SLC25A20: variants seen among roughly 807,000 people sequenced by gnomAD.
SLC25A20 encodes the protein mitochondrial carnitine/acylcarnitine carrier protein.
In SLC25A20, 29 loss-of-function variants were observed where a neutral mutation model predicts 39.7. That is an observed-to-expected ratio of 0.73 (90% CI 0.54 to 1.00). The LOEUF (loss-of-function observed/expected upper bound fraction) is 1.00, where lower values mean the gene tolerates loss of function less well. Among genes scored for constraint, SLC25A20 ranks in the 50% least tolerant of loss-of-function variants. The probability of loss-of-function intolerance (pLI) is 0.00; values close to 1 mark genes in which losing one functional copy is unlikely to be tolerated. For missense variants in SLC25A20, 333 were observed against 379.9 expected, an observed-to-expected ratio of 0.88 and a Z score of 1.03; for synonymous variants, 103 against 142.2, an observed-to-expected ratio of 0.72 and a Z score of 1.96.
At position 48,883,905 on chromosome 3, in the gene SLC25A20, T is replaced by C; in HGVS notation, c.326+92A>G. The C allele has an allele frequency of 2.7e-6, 4 of 1,488,166 alleles. No individual in the cohort carries two copies. In the South Asian group the frequency reaches 4.7e-5, roughly 17 times the overall value. 92.2% of individuals were successfully genotyped at this position (1,488,166 alleles called of 1,614,324 possible). ...TCCCAAAGTGCTAGGATTACAGGTA[T>C]GAGCCACCGCGCCCTGCCCAAGTTT... On this transcript the variant is annotated intron_variant, in intron 3 of 8. Coordinates refer to ENST00000319017, the MANE Select transcript of SLC25A20 (RefSeq NM_000387.6).
At chr3:48,872,482 C>A (rs1352100347) in intron 4 of SLC25A20, among the ~76,000 whole-genome samples, 1 of 151,248 alleles carries the variant, frequency 6.6e-6, no homozygotes, top group African/African-American at 2.4e-5. Flanking sequence ...TGAAGACAGT[C>A]TTTTCAATAA....
chr3:48,859,860 T>TA (rs2083610814), intron 5 of SLC25A20, among the ~76,000 whole-genome samples: 1 of 151,986 alleles, frequency 6.6e-6, no homozygotes, highest in Non-Finnish European at 1.5e-5. Context: ...TTATGTAGAC[T>TA]AAAAAAGCAT....
intron 1 of SLC25A20, among the ~76,000 whole-genome samples, chr3:48,893,084 C>T (rs945706757): frequency 6.6e-6 from 1 of 151,330 alleles, no homozygotes; most frequent in African/African-American, 2.4e-5. Flanking sequence ...TGGAGTGCGG[C>T]GGTGTGGTCA....
intron 2 of SLC25A20, among the ~76,000 whole-genome samples, chr3:48,887,637 C>T (rs2083839239): frequency 6.6e-6 from 1 of 152,216 alleles, no homozygotes; most frequent in African/African-American, 2.4e-5. Flanking sequence ...GGTGCCATGG[C>T]TCACGCCTGT....
intron 6 of SLC25A20, among the ~76,000 whole-genome samples, 164 bp from the exon 7 acceptor site, chr3:48,859,365 A>G (rs1358764352): frequency 6.6e-6 from 1 of 152,200 alleles, no homozygotes; most frequent in African/African-American, 2.4e-5. Flanking sequence ...GGTTTCATGC[A>G]CCTGTTTCAA....
At chr3:48,868,565 A>G (rs1035639525) in intron 4 of SLC25A20, among the ~76,000 whole-genome samples, 2 of 152,212 alleles carry the variant, frequency 1.3e-5, no homozygotes, top group Non-Finnish European at 2.9e-5. Context: ...GAGGAATGAG[A>G]TAGTGGTGAG....
At chr3:48,886,798 T>C (rs1232576626) in intron 2 of SLC25A20, among the ~76,000 whole-genome samples, 1 of 152,016 alleles carries the variant, frequency 6.6e-6, no homozygotes, top group South Asian at 2.1e-4. Context: ...CTGGGTAAAA[T>C]AGCAAGACCC....
Position 48,862,534 on chromosome 3 carries a change from A to C in SLC25A20, c.535+8T>G. On this transcript the variant is annotated splice_region_variant and intron_variant, in intron 5 of 8. Coordinates refer to ENST00000319017, the MANE Select transcript of SLC25A20 (RefSeq NM_000387.6). ...CAGGTGACCTCAAGTGGAGGCCTGAAAGGTTACCTCGCATAAGGGTAAGCA... is the reference window on the plus strand; with the variant it reads ...CAGGTGACCTCAAGTGGAGGCCTGACAGGTTACCTCGCATAAGGGTAAGCA... 1 of 1,594,854 alleles carries C rather than the reference A, an allele frequency of 6.3e-7. No individual in the cohort carries two copies. Among genetic ancestry groups the C allele is most frequent in the Non-Finnish European group, 8.6e-7 (1 of 1,162,558 alleles).
intron 5 of SLC25A20, among the ~76,000 whole-genome samples, chr3:48,860,682 G>A (rs1354001917): frequency 2.0e-5 from 3 of 151,724 alleles, no homozygotes; most frequent in Admixed American, 1.3e-4. Context: ...CAGCTATTCA[G>A]GAGGCTGAGG....
intron 1 of SLC25A20, among the ~76,000 whole-genome samples, chr3:48,895,578 G>A (rs1168004883): frequency 6.6e-6 from 1 of 151,988 alleles, no homozygotes. Context: ...TATTTGTCAG[G>A]TCCTTCTATA....
At position 48,884,129 on chromosome 3, in the gene SLC25A20, A is replaced by C; in HGVS notation, c.199-5T>G. ...CCGATATAGCCCCGTGATGCCCTGCAAGGAATCACAGAAGCAGAAGCTGTT... is the reference window on the plus strand; with the variant it reads ...CCGATATAGCCCCGTGATGCCCTGCCAGGAATCACAGAAGCAGAAGCTGTT... On this transcript the variant is annotated splice_region_variant and splice_polypyrimidine_tract_variant and intron_variant, in intron 2 of 8. Transcript: ENST00000319017. 6.2e-7 allele frequency: 1 copy of C among 1,613,318 alleles called. No individual in the cohort carries two copies. Among genetic ancestry groups the C allele is most frequent in the Non-Finnish European group, 8.5e-7 (1 of 1,179,432 alleles).
chr3:48,895,960 A>G, intron 1 of SLC25A20: 1 of 308,146 alleles, frequency 3.2e-6, no homozygotes. Flanking sequence ...CCCAACATGG[A>G]GAAACCCCAT....
At chr3:48,898,454 C>CT (rs1263962533) in intron 1 of SLC25A20, among the ~76,000 whole-genome samples, 1 of 152,250 alleles carries the variant, frequency 6.6e-6, no homozygotes, top group African/African-American at 2.4e-5. Flanking sequence ...GGACAGGGAA[C>CT]TTTACATCAG....
chr3:48,884,168 AC>A (rs760071377), intron 2 of SLC25A20, 44 bp from the exon 3 acceptor site: 2 of 1,610,866 alleles, frequency 1.2e-6, no homozygotes, highest in South Asian at 2.2e-5. Flanking sequence ...AGACACCACC[AC>A]CTTTTAAATC....
At chr3:48,874,829 T>C (rs1034416266) in intron 4 of SLC25A20, among the ~76,000 whole-genome samples, 68 of 150,692 alleles carry the variant, frequency 4.5e-4, no homozygotes, top group Non-Finnish European at 6.8e-4. Flanking sequence ...GGAGGATCAC[T>C]TAAGGTCAGG....
intron 1 of SLC25A20, among the ~76,000 whole-genome samples, chr3:48,896,481 G>C (rs1226673360): frequency 8.3e-6 from 1 of 120,534 alleles, no homozygotes; most frequent in Non-Finnish European, 1.7e-5. Context: ...CTTTGCAGGT[G>C]GTTTTTGTTT....
chr3:48,857,634 CTT>C lies in SLC25A20; in HGVS notation c.*74_*75del. 1 of 1,395,388 alleles carries C rather than the reference CTT, an allele frequency of 7.2e-7. No individual in the cohort carries two copies. The allele number at this position is 1,395,388 out of a possible 1,614,324, so 86.4% of individuals were successfully genotyped here. A position where few individuals can be genotyped will look rare whatever the true frequency, so the allele number is the denominator to read the frequency against. ...CCCCTCCCCTTGCCCTCCAAGACTG[CTT>C]AGTTCTGCTTACTACTCCTTCTCCT... On this transcript the variant is annotated 3_prime_UTR_variant, in exon 9 of 9. Transcript: ENST00000319017.
chr3:48,866,477 C>T (rs1231627524), intron 4 of SLC25A20, among the ~76,000 whole-genome samples: 2 of 151,916 alleles, frequency 1.3e-5, no homozygotes, highest in Non-Finnish European at 2.9e-5. Context: ...TTGCTGGAAC[C>T]TGGGAAGCAG....
chr3:48,888,570 A>AAAATAAATAAATAAAT (rs35871910), intron 2 of SLC25A20, among the ~76,000 whole-genome samples: 8 of 142,114 alleles, frequency 5.6e-5, no homozygotes, highest in South Asian at 2.2e-4. Flanking sequence ...CTCTTGTCTC[A>AAAATAAATAAATAAAT]AAATAAATAA....
Sources: allele counts gnomAD v4.1 joint callset (sites outside exome capture counted in the v4.1 genomes callset), GRCh38; gene constraint gnomAD v4.1.1; transcripts MANE v1.5; gene names NCBI Gene and HGNC (gene_info 2026-07-23, HGNC 2026-07-21).